Variants in NR3C2 observed in about 807,000 individuals in gnomAD.
NR3C2 encodes nuclear receptor subfamily 3 group C member 2.
NR3C2 carries 15 observed loss-of-function variants against 86.4 expected under a neutral mutation model. The ratio of observed to expected loss-of-function variants is 0.17; its 90% CI spans 0.12 to 0.27. The LOEUF (loss-of-function observed/expected upper bound fraction) is 0.27. Among genes scored for constraint, NR3C2 ranks in the 10% least tolerant of loss-of-function variants. The pLI, the probability that NR3C2 is intolerant of heterozygous loss-of-function variation, is 1.00. For missense variants in NR3C2, 960 were observed against 1,195.6 expected (o/e 0.80, Z 2.91); for synonymous variants, 458 against 450.5 (o/e 1.02, Z -0.21).
rs1732175007 is a variant in NR3C2, at chr4:148,114,273, A to T, written c.2642-12T>A. 1 of 1,613,524 alleles carries T rather than the reference A, an allele frequency of 6.2e-7. No homozygotes were observed. The highest frequency in any genetic ancestry group is 2.2e-5 in the East Asian group (1 of 44,864). ...GCCATCCTTTGGAACTGTGTTAAGG[A>T]AAACAGACATGTAAATTTCCAGGAT... On this transcript the variant is annotated splice_polypyrimidine_tract_variant and intron_variant, in intron 7 of 8. Coordinates refer to ENST00000358102, the MANE Select transcript of NR3C2 (RefSeq NM_000901.5).
chr4:148,416,225 A>C (rs1200683665), intron 2 of NR3C2, among the ~76,000 whole-genome samples: 1 of 152,162 alleles, frequency 6.6e-6, no homozygotes, highest in African/African-American at 2.4e-5. Flanking sequence ...TCATACATAA[A>C]TCTTTTTCCA....
intron 2 of NR3C2, among the ~76,000 whole-genome samples, chr4:148,280,898 A>G (rs1355988326): frequency 6.6e-6 from 1 of 152,220 alleles, no homozygotes; most frequent in African/African-American, 2.4e-5. Context: ...TAATGTGTGT[A>G]CTAATTCCTC....
chr4:148,429,275 A>C (rs1749691102), intron 2 of NR3C2, among the ~76,000 whole-genome samples: 1 of 152,238 alleles, frequency 6.6e-6, no homozygotes. Context: ...TCATATATTT[A>C]TCTCAAAAAC....
chr4:148,336,911 C>T (rs1489696763), intron 2 of NR3C2, among the ~76,000 whole-genome samples: 1 of 152,142 alleles, frequency 6.6e-6, no homozygotes, highest in East Asian at 1.9e-4. Flanking sequence ...CCTGCCTGAG[C>T]CTCAGGAGTA....
intron 4 of NR3C2, among the ~76,000 whole-genome samples, chr4:148,156,590 C>A (rs1366305379): frequency 7.2e-5 from 11 of 152,174 alleles, no homozygotes; most frequent in Non-Finnish European, 1.3e-4. Context: ...AAATGCAAAT[C>A]AAAACCACAA....
chr4:148,241,964 AT>A, intron 3 of NR3C2, among the ~76,000 whole-genome samples: 1 of 152,194 alleles, frequency 6.6e-6, no homozygotes, highest in East Asian at 1.9e-4. Context: ...ATGTTGTATA[AT>A]TTCACTTACA....
intron 3 of NR3C2, among the ~76,000 whole-genome samples, chr4:148,196,812 A>G (rs905405154): frequency 6.6e-6 from 1 of 152,232 alleles, no homozygotes; most frequent in African/African-American, 2.4e-5. Context: ...AAGGCTCTTA[A>G]TGAATATGGG....
At chr4:148,395,676 C>T (rs1390460383) in intron 2 of NR3C2, among the ~76,000 whole-genome samples, 1 of 152,124 alleles carries the variant, frequency 6.6e-6, no homozygotes, top group East Asian at 1.9e-4. Context: ...TGAAATATTC[C>T]AAACTCATGA....
chr4:148,330,436 C>G (rs1744173060), intron 2 of NR3C2, among the ~76,000 whole-genome samples: 1 of 152,198 alleles, frequency 6.6e-6, no homozygotes, highest in Non-Finnish European at 1.5e-5. Flanking sequence ...AGCAGGCTCT[C>G]TCCTTGCCAA....
In NR3C2 at chr4:148,353,363, A is replaced by G. The variant is rs183645291; in HGVS notation, c.1757+81741T>C. Among the ~76,000 whole-genome samples the G allele has an allele frequency of 2.0e-3, 312 of 152,240 alleles. 2 individuals carry two copies. Among genetic ancestry groups the G allele is most frequent in the African/African-American group, 6.6e-3 (275 of 41,582 alleles). ...CAAGAGTCTATGGTAAATTTAGTTT[A>G]TCAAAACCATCATAAGAAACCACCT... On this transcript the variant is annotated intron_variant, in intron 2 of 8. Coordinates refer to ENST00000358102, the MANE Select transcript of NR3C2 (RefSeq NM_000901.5).
intron 4 of NR3C2, among the ~76,000 whole-genome samples, chr4:148,159,052 A>G (rs1056753227): frequency 2.0e-4 from 30 of 152,194 alleles, no homozygotes; most frequent in Admixed American, 1.9e-3. Context: ...TTATATTTAT[A>G]TCAAAGTAAT....
At chr4:148,333,536 T>TAAAAAAAAAA (rs372805275) in intron 2 of NR3C2, among the ~76,000 whole-genome samples, 2 of 151,560 alleles carry the variant, frequency 1.3e-5, no homozygotes. Flanking sequence ...AAAGTCTCCT[T>TAAAAAAAAAA]AAAATCTCCC....
intron 2 of NR3C2, among the ~76,000 whole-genome samples, chr4:148,382,396 G>T (rs1231309613): frequency 6.6e-6 from 1 of 152,134 alleles, no homozygotes; most frequent in Non-Finnish European, 1.5e-5. Flanking sequence ...TGTAACAGCT[G>T]TTCCACATGC....
chr4:148,316,085 A>C (rs1200180870), intron 2 of NR3C2, among the ~76,000 whole-genome samples: 1 of 152,204 alleles, frequency 6.6e-6, no homozygotes. Flanking sequence ...AACATGACAT[A>C]GGATTTAAGA....
intron 7 of NR3C2, among the ~76,000 whole-genome samples, chr4:148,118,715 C>T (rs1015909167): frequency 6.6e-6 from 1 of 152,138 alleles, no homozygotes; most frequent in Non-Finnish European, 1.5e-5. Context: ...TGCTCCAAGT[C>T]CTGATGTTAA....
chr4:148,110,471 G>A (rs1440692650), intron 8 of NR3C2, among the ~76,000 whole-genome samples: 1 of 152,200 alleles, frequency 6.6e-6, no homozygotes, highest in African/African-American at 2.4e-5. Flanking sequence ...TATAGAGCCA[G>A]CGCATTGTGT....
At chr4:148,143,717 G>A (rs1253360413) in intron 6 of NR3C2, among the ~76,000 whole-genome samples, 5 of 151,988 alleles carry the variant, frequency 3.3e-5, no homozygotes, top group South Asian at 2.1e-4. Flanking sequence ...AGGCCGAGGC[G>A]GGTGGATCAC....
intron 3 of NR3C2, among the ~76,000 whole-genome samples, chr4:148,206,839 G>C (rs1017306718): frequency 1.3e-5 from 2 of 152,194 alleles, no homozygotes; most frequent in African/African-American, 4.8e-5. Context: ...AGCTGAAAGG[G>C]AAGAAGACTC....
intron 8 of NR3C2, among the ~76,000 whole-genome samples, chr4:148,085,216 C>T (rs1393670468): frequency 2.6e-5 from 4 of 152,172 alleles, no homozygotes; most frequent in Admixed American, 2.0e-4. Flanking sequence ...AGCACCTCAT[C>T]GCACTTTTTC....
Sources: allele counts gnomAD v4.1 joint callset (sites outside exome capture counted in the v4.1 genomes callset), GRCh38; gene constraint gnomAD v4.1.1; transcripts MANE v1.5; gene names NCBI Gene and HGNC (gene_info 2026-07-23, HGNC 2026-07-21).